The following ENPP7 variants were observed in gnomAD, a reference collection of about 807,000 sequenced individuals.
ENPP7 encodes ectonucleotide pyrophosphatase/phosphodiesterase family member 7.
A neutral mutation model predicts 33.6 loss-of-function variants in ENPP7; 39 were observed. The observed-to-expected ratio is 1.16, with a 90% CI of 0.90 to 1.52. The LOEUF (loss-of-function observed/expected upper bound fraction) is 1.52, where lower values mean the gene tolerates loss of function less well. Ranked by LOEUF, ENPP7 falls within the 40% of genes most tolerant of loss-of-function variation. The pLI is 0.00. For synonymous variants in ENPP7, 244 were observed against 274.3 expected (o/e 0.89, Z 1.09); for missense variants, 594 against 641.0 (o/e 0.93, Z 0.79).
chr17:79,735,171 C>T lies in ENPP7; in HGVS notation c.528C>T (p.Ile176=), dbSNP rs76811489. The T allele has an allele frequency of 0.021, 33,560 of 1,613,244 alleles. 451 individuals are homozygous for T. Among genetic ancestry groups the T allele is most frequent in the African/African-American group, 0.061 (4,591 of 75,044 alleles). Residue 176 remains isoleucine (I), a synonymous_variant, in exon 3 of 6, where the codon ATC becomes ATT. Coordinates refer to ENST00000328313, the MANE Select transcript of ENPP7 (RefSeq NM_178543.5). This position sits in a 1 kb window ranked among gnomAD's most constrained non-coding sequence, Gnocchi z 5.5. Reference sequence around the variant, plus strand: ...ATGAGACGGAGTGGAGAGCGAACATCGACACAGTGATGGCGTGGTTCACAG... The same window carrying T: ...ATGAGACGGAGTGGAGAGCGAACATTGACACAGTGATGGCGTGGTTCACAG... ...YKNETEWRAN[I]DTVMAWFTEE... is the part of the protein sequence containing the mutation.
rs2094285118 is a variant in ENPP7 at position 79,731,360 on chromosome 17, T to C, written c.221T>C (p.Met74Thr). Residue 74 changes from methionine to threonine, a missense_variant, in exon 1 of 6, where the codon ATG (methionine) becomes ACG (threonine). Transcript: ENST00000328313. ...ARYMTPAFVT[M>T]TSPCHFTLVT... is the part of the protein sequence containing the mutation. ...TACATGACCCCCGCCTTTGTCACCATGACCAGCCCCTGCCACTTCACCCTG... is the reference window on the plus strand; with the variant it reads ...TACATGACCCCCGCCTTTGTCACCACGACCAGCCCCTGCCACTTCACCCTG... 2.5e-6 allele frequency: 4 copies of C among 1,612,336 alleles called. No homozygotes were observed. The highest frequency in any genetic ancestry group is 3.4e-6 in the Non-Finnish European group (4 of 1,179,386).
At chr17:79,732,119 T>TATATATACATATATAC (rs1555822639) in intron 1 of ENPP7, among the ~76,000 whole-genome samples, 1 of 49,780 alleles carries the variant, frequency 2.0e-5, no homozygotes, top group African/African-American at 6.7e-5. Context: ...CATATATATA[T>TATATATACATATATAC]ACATATATAT....
At chr17:79,733,752 C>T (rs2094290419) in intron 2 of ENPP7, 99 bp downstream of exon 2, 1 of 1,301,992 alleles carries the variant, frequency 7.7e-7, no homozygotes, top group Non-Finnish European at 1.0e-6. Flanking sequence ...GGTCCCTTCC[C>T]CACTCCAGGG....
Position 79,737,904 on chromosome 17 carries a change from G to T in ENPP7, c.1247-12G>T, listed in dbSNP as rs2094298833. ...TCCCTCTCTCCCTCACAGGTCCTCT[G>T]GCTTTCCTTAGAATCTGCTCTTCCG... On this transcript the variant is annotated splice_polypyrimidine_tract_variant and intron_variant, in intron 4 of 5. Transcript: ENST00000328313. This position sits in a 1 kb window ranked among gnomAD's most constrained non-coding sequence, Gnocchi z 5.5. 6.2e-7 allele frequency: 1 copy of T among 1,613,404 alleles called. No individual in the cohort carries two copies. Among genetic ancestry groups the T allele is most frequent in the African/African-American group, 1.3e-5 (1 of 74,916 alleles).
chr17:79,731,098 GCCCTGTGCA>G lies in ENPP7; in HGVS notation c.-34_-26del. 2 of 1,569,798 alleles carry G rather than the reference GCCCTGTGCA, an allele frequency of 1.3e-6. No homozygotes were observed. The highest frequency in any genetic ancestry group is 1.7e-6 in the Non-Finnish European group (2 of 1,160,720). On this transcript the variant is annotated 5_prime_UTR_variant, in exon 1 of 6. Transcript: ENST00000328313. ...ACTTTGTCCTCCTCGGCAGGAGCCA[GCCCTGTGCA>G]CCCTGTGTGCCTGTCCATCTGGAAG...
intron 2 of ENPP7, among the ~76,000 whole-genome samples, 199 bp from the exon 3 acceptor site, chr17:79,734,844 C>T (rs1568486245): frequency 6.6e-6 from 1 of 152,156 alleles, no homozygotes; most frequent in East Asian, 1.9e-4. Flanking sequence ...GTTGTTTCCT[C>T]TATAAAATCA....
At position 79,731,370 on chromosome 17, in the gene ENPP7, CT is replaced by C; in HGVS notation, c.232del (p.Cys78AlafsTer28). On this transcript the variant is annotated frameshift_variant, in exon 1 of 6. Transcript: ENST00000328313. LOFTEE classifies it high-confidence loss of function. Reference protein sequence around the residue: ...TPAFVTMTSPCHFTLVTGKYI... With the variant: ...TPAFVTMTSPXHFTLVTGKYI... ...CCGCCTTTGTCACCATGACCAGCCC[CT>C]GCCACTTCACCCTGGTCACCGGTGA... The C allele has an allele frequency of 6.2e-7, 1 of 1,612,356 alleles. No individual in the cohort carries two copies. Among genetic ancestry groups the C allele is most frequent in the Non-Finnish European group, 8.5e-7 (1 of 1,179,096 alleles).
Position 79,737,826 on chromosome 17 carries a change from G to C in ENPP7, c.1247-90G>C. 1 of 1,431,732 alleles carries C rather than the reference G, an allele frequency of 7.0e-7. No homozygotes were observed. Among genetic ancestry groups the C allele is most frequent in the Middle Eastern group, 2.0e-4 (1 of 4,978 alleles). 88.7% of individuals were successfully genotyped at this position (1,431,732 alleles called of 1,614,324 possible). A position where few individuals can be genotyped will look rare whatever the true frequency, so the allele number is the denominator to read the frequency against. ...GTGAAAGAGGAAGGAGGGGCTCGTG[G>C]GGACCAACAGAGGACCCCGAGTTTA... On this transcript the variant is annotated intron_variant, in intron 4 of 5. Coordinates refer to ENST00000328313, the MANE Select transcript of ENPP7 (RefSeq NM_178543.5). This position sits in a 1 kb window ranked among gnomAD's most constrained non-coding sequence, Gnocchi z 5.5.
chr17:79,739,876 G>A lies in ENPP7; in HGVS notation c.*16+1814G>A, dbSNP rs1432294510. ...AGGCGGGGCTGGTGAGACAGGAAAA[G>A]CCAAGAGCTTGTCATGGGTCAAGAG... On this transcript the variant is annotated intron_variant, in intron 5 of 5. Coordinates refer to ENST00000328313, the MANE Select transcript of ENPP7 (RefSeq NM_178543.5). The surrounding 1 kb of genome is among the most constrained non-coding windows in gnomAD (Gnocchi z 4.4). Among the ~76,000 whole-genome samples, 2 of 152,232 alleles carry A rather than the reference G, an allele frequency of 1.3e-5. No homozygotes were observed. The highest frequency in any genetic ancestry group is 4.8e-5 in the African/African-American group (2 of 41,470).
At chr17:79,741,670 C>A (rs374284315) in intron 5 of ENPP7, 124 bp from the exon 6 acceptor site, 68 of 152,016 alleles carry the variant, frequency 4.5e-4, no homozygotes, top group South Asian at 4.3e-3. Context: ...AGCCCACCAT[C>A]CTGTTTCCCA....
chr17:79,741,069 C>T (rs1245346383), intron 5 of ENPP7, among the ~76,000 whole-genome samples: 1 of 152,122 alleles, frequency 6.6e-6, no homozygotes, highest in Non-Finnish European at 1.5e-5. Context: ...ACTGCAGCCT[C>T]GACCTCCTGG....
intron 1 of ENPP7, among the ~76,000 whole-genome samples, chr17:79,731,645 C>T (rs2094285702): frequency 6.6e-6 from 1 of 152,204 alleles, no homozygotes; most frequent in Admixed American, 6.5e-5. Context: ...GGGAGTGTGG[C>T]GGGCTCCCCG....
In ENPP7 at chr17:79,737,366, G is replaced by A; in HGVS notation, c.1246+106G>A. ...AGGACACCCTTGAGCCCCAAGTGGG[G>A]CCACCTCCCCTGGCTTTGGAGAACA... On this transcript the variant is annotated intron_variant, in intron 4 of 5. Transcript: ENST00000328313. The surrounding 1 kb of genome is among the most constrained non-coding windows in gnomAD (Gnocchi z 5.5). 1.1e-6 allele frequency: 1 copy of A among 905,732 alleles called. No individual in the cohort carries two copies. The highest frequency in any genetic ancestry group is 1.7e-6 in the Non-Finnish European group (1 of 588,536). 56.1% of individuals were successfully genotyped at this position (905,732 alleles called of 1,614,324 possible). A position where few individuals can be genotyped will look rare whatever the true frequency, so the allele number is the denominator to read the frequency against.
At position 79,733,661 on chromosome 17, in the gene ENPP7, C is replaced by T. The variant is rs1568485836; in HGVS notation, c.399+8C>T. On this transcript the variant is annotated splice_region_variant and intron_variant, in intron 2 of 5. Transcript: ENST00000328313. Reference sequence around the variant, plus strand: ...ATCACAGCCCAGAGGCAGGTAATGTCACCCCCGCCCATACTGACATCGCAG... The same window carrying T: ...ATCACAGCCCAGAGGCAGGTAATGTTACCCCCGCCCATACTGACATCGCAG... 2 of 1,604,490 alleles carry T rather than the reference C, an allele frequency of 1.2e-6. No homozygotes were observed. The highest frequency in any genetic ancestry group is 2.0e-4 in the Middle Eastern group (1 of 5,002).
chr17:79,738,004 G>A lies in ENPP7; in HGVS notation c.1335G>A (p.Met445Ile), dbSNP rs2094299088. Residue 445 changes from methionine (M) to isoleucine (I), a missense_variant, in exon 5 of 6, where the codon ATG becomes ATA. By Grantham distance (10) the Met-to-Ile change is conservative. Coordinates refer to ENST00000328313, the MANE Select transcript of ENPP7 (RefSeq NM_178543.5). This position sits in a 1 kb window ranked among gnomAD's most constrained non-coding sequence, Gnocchi z 6.2. ...CCAGCAGCAGGCCCCTCCTCGTGAT[G>A]GGACTGCTGGGGACCGTGATTCTTC... ...LPPSSRPLLV[M>I]GLLGTVILLS... 6.8e-6 allele frequency: 11 copies of A among 1,613,202 alleles called. No homozygotes were observed. The highest frequency in any genetic ancestry group is 1.7e-5 in the Admixed American group (1 of 60,026).
chr17:79,735,901 G>GTGTTT lies in ENPP7; in HGVS notation c.1026+248_1026+252dup, dbSNP rs201150540. ...CACCATGCCTGGCTAATTTTTGTGT[G>GTGTTT]TGTTTTGTTTTGTTTTGTTTCATTT... On this transcript the variant is annotated intron_variant, in intron 3 of 5. Transcript: ENST00000328313. The surrounding 1 kb of genome is among the most constrained non-coding windows in gnomAD (Gnocchi z 5.5). 7.1e-4 allele frequency among the ~76,000 whole-genome samples: 108 copies of GTGTTT among 152,044 alleles called. No homozygotes were observed. In the Middle Eastern group the frequency reaches 0.01, roughly 14 times the overall value.
At position 79,737,210 on chromosome 17, in the gene ENPP7, C is replaced by G; in HGVS notation, c.1196C>G (p.Pro399Arg). ...ATGTGCCGGCTGCTGGGCATCGTGC[C>G]CGAGGCCAACGATGGGCACCTAGCT... ...ELMCRLLGIV[P>R]EANDGHLATL... The change falls in exon 4 of 6, where the codon CCC becomes CGC. Residue 399 changes from proline (P) to arginine (R), a missense_variant. Transcript: ENST00000328313. This position sits in a 1 kb window ranked among gnomAD's most constrained non-coding sequence, Gnocchi z 5.5. 1 of 1,612,098 alleles carries G rather than the reference C, an allele frequency of 6.2e-7. No homozygotes were observed. The highest frequency in any genetic ancestry group is 8.5e-7 in the Non-Finnish European group (1 of 1,179,970).
chr17:79,737,527 C>T lies in ENPP7; in HGVS notation c.1246+267C>T, dbSNP rs902693765. Reference sequence around the variant, plus strand: ...CTGGAGGGAGCGAGGGTGGCCCAGGCGGGCCTGCTGTGCAGAGCCCACCTC... The same window carrying T: ...CTGGAGGGAGCGAGGGTGGCCCAGGTGGGCCTGCTGTGCAGAGCCCACCTC... On this transcript the variant is annotated intron_variant, in intron 4 of 5. Transcript: ENST00000328313. The surrounding 1 kb of genome is among the most constrained non-coding windows in gnomAD (Gnocchi z 5.5). Among the ~76,000 whole-genome samples, 2 of 152,154 alleles carry T rather than the reference C, an allele frequency of 1.3e-5. No homozygotes were observed. Among genetic ancestry groups the T allele is most frequent in the Non-Finnish European group, 2.9e-5 (2 of 67,994 alleles).
intron 1 of ENPP7, among the ~76,000 whole-genome samples, chr17:79,733,092 G>A (rs1455363876): frequency 6.6e-6 from 1 of 152,172 alleles, no homozygotes; most frequent in Non-Finnish European, 1.5e-5. Flanking sequence ...TGAAATTCCT[G>A]CCTGGGATCT....
Sources: gnomAD v4.1 joint callset for allele counts (sites outside exome capture counted in the v4.1 genomes callset) on GRCh38, gnomAD v4.1.1 for gene constraint, Gnocchi (gnomAD v3.1) non-coding constraint, MANE v1.5 for transcripts, NCBI Gene and HGNC (gene_info 2026-07-23, HGNC 2026-07-21) for gene names.